LRP1B: variants seen among roughly 807,000 people sequenced by gnomAD.
The protein encoded by LRP1B is LDL receptor related protein 1B, also known as low-density lipoprotein receptor-related protein 1B.
LRP1B carries 217 observed loss-of-function variants against 556.6 expected under a neutral mutation model. That is an observed-to-expected ratio of 0.39 (90% CI 0.35 to 0.44). The LOEUF (loss-of-function observed/expected upper bound fraction) is 0.44, where lower values mean the gene tolerates loss of function less well. LRP1B is among the 20% of genes least tolerant of loss of function. The pLI is 1.00. For synonymous variants in LRP1B, 2,047 were observed against 1,865.8 expected, an observed-to-expected ratio of 1.10 and a Z score of -2.50; for missense variants, 5,053 against 5,620.8, an observed-to-expected ratio of 0.90 and a Z score of 3.23.
At chr2:141,476,171 C>T (rs990543331) in intron 3 of LRP1B, among the ~76,000 whole-genome samples, 2 of 152,122 alleles carry the variant, frequency 1.3e-5, no homozygotes, top group East Asian at 3.9e-4. Context: ...CCATGGCGGC[C>T]CAACAGATGA....
At chr2:140,900,097 C>T (rs1231888571) in intron 23 of LRP1B, among the ~76,000 whole-genome samples, 6 of 152,198 alleles carry the variant, frequency 3.9e-5, no homozygotes, top group South Asian at 2.1e-4. Context: ...GGAACACCTC[C>T]TTTCTGCCCC....
At chr2:141,850,622 CTG>C (rs70994458) in intron 1 of LRP1B, among the ~76,000 whole-genome samples, 16,127 of 140,950 alleles carry the variant, frequency 0.11, 1,182 homozygotes, top group African/African-American at 0.22. Context: ...AGCATAAACT[CTG>C]TGTGTGTGTG....
chr2:140,845,407 C>T (rs1278596589), intron 29 of LRP1B, among the ~76,000 whole-genome samples: 1 of 152,008 alleles, frequency 6.6e-6, no homozygotes, highest in Non-Finnish European at 1.5e-5. Flanking sequence ...ACTTTTCTCT[C>T]CATCAATAAA....
chr2:140,752,815 TCTCA>T (rs1688626769), intron 35 of LRP1B, among the ~76,000 whole-genome samples: 1 of 152,178 alleles, frequency 6.6e-6, no homozygotes, highest in Non-Finnish European at 1.5e-5. Flanking sequence ...GCACAGCCTC[TCTCA>T]CTATCAAAAT....
rs751398661 is a variant in LRP1B at position 140,358,094 on chromosome 2, C to T, written c.11280G>A (p.Arg3760=). 2.5e-6 allele frequency: 4 copies of T among 1,610,852 alleles called. No homozygotes were observed. The highest frequency in any genetic ancestry group is 1.1e-5 in the South Asian group (1 of 90,922). ...AAGCAAACTCATCCTTTTTACAAGG[C>T]CTTGCTTTATATGTCAGCTTACCTA... ...HCGGKLTYKA[R]PCKKDEFACS... Residue 3760 remains arginine, a synonymous_variant, in exon 74 of 91, where the codon AGG becomes AGA. Coordinates refer to ENST00000389484, the MANE Select transcript of LRP1B (RefSeq NM_018557.3).
intron 66 of LRP1B, among the ~76,000 whole-genome samples, chr2:140,438,983 T>A (rs1686308875): frequency 6.6e-6 from 1 of 152,100 alleles, no homozygotes; most frequent in African/African-American, 2.4e-5. Flanking sequence ...TTCAGAGAAC[T>A]AAGAATCTAA....
intron 35 of LRP1B, among the ~76,000 whole-genome samples, chr2:140,742,557 C>T (rs1308074786): frequency 6.6e-6 from 1 of 151,986 alleles, no homozygotes; most frequent in Non-Finnish European, 1.5e-5. Flanking sequence ...ATCCAAGAAA[C>T]ACTTTACATG....
At chr2:140,531,044 A>G (rs1347615583) in intron 47 of LRP1B, among the ~76,000 whole-genome samples, 3 of 152,178 alleles carry the variant, frequency 2.0e-5, no homozygotes, top group African/African-American at 7.2e-5. Context: ...ATAAACACCT[A>G]CCATACATGA....
intron 3 of LRP1B, among the ~76,000 whole-genome samples, chr2:141,263,330 A>C (rs1432373961): frequency 6.6e-6 from 1 of 152,076 alleles, no homozygotes. Context: ...GCAGCAGAAG[A>C]TATCACTACA....
At chr2:140,900,877 C>T (rs1051420744) in intron 23 of LRP1B, among the ~76,000 whole-genome samples, 10 of 151,980 alleles carry the variant, frequency 6.6e-5, no homozygotes, top group Admixed American at 5.3e-4. Context: ...AGACTTGAGC[C>T]AGCACGTCTC....
At chr2:141,941,994 A>G (rs1700820794) in intron 1 of LRP1B, among the ~76,000 whole-genome samples, 1 of 152,198 alleles carries the variant, frequency 6.6e-6, no homozygotes, top group African/African-American at 2.4e-5. Context: ...TTTTAAAAAC[A>G]TTGTATTTAA....
chr2:141,006,624 T>C (rs1443952774), intron 14 of LRP1B, among the ~76,000 whole-genome samples: 3 of 151,958 alleles, frequency 2.0e-5, no homozygotes, highest in African/African-American at 7.2e-5. Flanking sequence ...ACCTAAACTA[T>C]ACGGTGCTAA....
intron 7 of LRP1B, among the ~76,000 whole-genome samples, chr2:141,139,810 TG>T (rs1231076897): frequency 1.8e-4 from 27 of 151,634 alleles, no homozygotes; most frequent in Admixed American, 7.2e-4. Flanking sequence ...TGTGTGTGTG[TG>T]TGTGTGTGTA....
intron 3 of LRP1B, among the ~76,000 whole-genome samples, chr2:141,319,307 G>GTTTTT (rs1370500448): frequency 1.1e-5 from 1 of 88,786 alleles, no homozygotes; most frequent in African/African-American, 4.8e-5. Flanking sequence ...GTGTTTTTTT[G>GTTTTT]TTGTTTTTTT....
intron 23 of LRP1B, among the ~76,000 whole-genome samples, chr2:140,887,425 A>G (rs77598535): frequency 0.039 from 5,991 of 152,238 alleles, 187 homozygotes; most frequent in South Asian, 0.097. Context: ...GTGAAAATCT[A>G]GTCCTCCCAG....
At chr2:141,014,567 T>C (rs1697849241) in intron 13 of LRP1B, among the ~76,000 whole-genome samples, 1 of 152,088 alleles carries the variant, frequency 6.6e-6, no homozygotes. Context: ...TCATTTAATA[T>C]TAGAGAATTG....
intron 2 of LRP1B, among the ~76,000 whole-genome samples, chr2:141,650,057 G>C (rs796907169): frequency 2.0e-5 from 3 of 152,286 alleles, no homozygotes; most frequent in African/African-American, 7.2e-5. Flanking sequence ...GCATGTGCCT[G>C]TAATCCCAGC....
At chr2:141,403,620 G>A (rs944917527) in intron 3 of LRP1B, among the ~76,000 whole-genome samples, 1 of 152,066 alleles carries the variant, frequency 6.6e-6, no homozygotes, top group Non-Finnish European at 1.5e-5. Context: ...CTTCAACTTA[G>A]GTAACAGTTA....
intron 20 of LRP1B, among the ~76,000 whole-genome samples, chr2:140,927,422 C>A (rs747689836): frequency 6.6e-6 from 1 of 152,138 alleles, no homozygotes; most frequent in Non-Finnish European, 1.5e-5. Context: ...CATAATTAAA[C>A]TTTGGAGTCT....
Sources: allele counts gnomAD v4.1 joint callset (sites outside exome capture counted in the v4.1 genomes callset), GRCh38; gene constraint gnomAD v4.1.1; transcripts MANE v1.5; gene names NCBI Gene and HGNC (gene_info 2026-07-23, HGNC 2026-07-21).